Variants in NUP205 observed in about 807,000 individuals in gnomAD.
The protein encoded by NUP205 is nucleoporin 205.
Under a neutral mutation model 253.8 loss-of-function variants are expected in NUP205, and 76 were observed. That is an observed-to-expected ratio of 0.30 (90% CI 0.25 to 0.36). NUP205 has a LOEUF of 0.36. Ranked by LOEUF, NUP205 falls within the 10% of genes least tolerant of loss-of-function variation. The pLI is 1.00. For synonymous variants in NUP205, 832 were observed against 850.1 expected (o/e 0.98, Z 0.37); for missense variants, 2,162 against 2,425.5 (o/e 0.89, Z 2.28).
chr7:135,637,631 A>G (rs1794833461), intron 36 of NUP205, among the ~76,000 whole-genome samples: 1 of 152,294 alleles, frequency 6.6e-6, no homozygotes, highest in South Asian at 2.1e-4. Flanking sequence ...AGTATCTTCC[A>G]AAGAATTAAT....
chr7:135,583,576 A>T (rs576491398), intron 7 of NUP205, among the ~76,000 whole-genome samples: 1 of 152,160 alleles, frequency 6.6e-6, no homozygotes, highest in East Asian at 2.0e-4. Flanking sequence ...CCTGGCCAAC[A>T]TGTTGAAACC....
chr7:135,597,501 C>A (rs191565796), intron 14 of NUP205, 83 bp downstream of exon 14: 4 of 800,544 alleles, frequency 5.0e-6, no homozygotes, highest in Admixed American at 4.3e-5. Context: ...TACCCTTTTA[C>A]GTTTCCATAA....
chr7:135,613,927 T>C, intron 22 of NUP205: 1 of 275,838 alleles, frequency 3.6e-6, no homozygotes, highest in Non-Finnish European at 6.8e-6. Context: ...ATAATAGTTG[T>C]GTAATAATGT....
Position 135,602,960 on chromosome 7 carries a change from A to G in NUP205, c.2668A>G (p.Thr890Ala), listed in dbSNP as rs1563123941. The G allele has an allele frequency of 8.7e-6, 14 of 1,613,158 alleles. No homozygotes were observed. Among genetic ancestry groups the G allele is most frequent in the African/African-American group, 1.3e-5 (1 of 75,014 alleles). Reference sequence around the variant, plus strand: ...GCTTTTGCAGGGAATTAATCCCAGAACTAAGAAGGCAGATAATGTGGTAAA... The same window carrying G: ...GCTTTTGCAGGGAATTAATCCCAGAGCTAAGAAGGCAGATAATGTGGTAAA... Reference protein sequence around the residue: ...EQLLQGINPRTKKADNVVNIA... With the variant: ...EQLLQGINPRAKKADNVVNIA... Residue 890 changes from threonine (T) to alanine (A), a missense_variant, in exon 18 of 43, where the codon ACT becomes GCT. Around this residue, in one of 5 missense-constraint regions of NUP205, gnomAD observed 892 missense variants for 957.1 expected, o/e 0.93. Transcript: ENST00000285968.
chr7:135,602,832 A>G lies in NUP205; in HGVS notation c.2540A>G (p.Gln847Arg), dbSNP rs1793992528. 1 of 1,613,660 alleles carries G rather than the reference A, an allele frequency of 6.2e-7. No individual in the cohort carries two copies. ...PGKKHLEKAV[Q>R]HCLALLNLTL... is the part of the protein sequence containing the mutation. ...AAAAAACACCTGGAGAAAGCAGTAC[A>G]GCATTGCCTTGCACTTCTCAATCTT... is the stretch of plus-strand genomic sequence containing the variant. The change falls in exon 18 of 43, where the codon CAG (glutamine) becomes CGG (arginine). Residue 847 changes from glutamine (Q) to arginine (R), a missense_variant. By Grantham distance (43) the Gln-to-Arg change is conservative (BLOSUM62 1). Transcript: ENST00000285968.
At chr7:135,558,085 G>A in intron 1 of NUP205, 113 bp downstream of exon 1, 1 of 898,268 alleles carries the variant, frequency 1.1e-6, no homozygotes, top group Admixed American at 1.8e-5. Flanking sequence ...TGCGGTGCCT[G>A]CTTTTCCCTA....
intron 14 of NUP205, chr7:135,597,628 T>G (rs577473678): frequency 2.6e-4 from 124 of 472,590 alleles, no homozygotes; most frequent in Admixed American, 5.2e-4. Context: ...AAAAAGATGT[T>G]ACATGGCAAC....
intron 6 of NUP205, 88 bp from the exon 7 acceptor site, chr7:135,578,663 A>G: frequency 1.1e-6 from 1 of 939,362 alleles, no homozygotes; most frequent in Non-Finnish European, 1.6e-6. Flanking sequence ...GAATGCTCAG[A>G]TTTTCTGACT....
chr7:135,572,778 C>T (rs1311011982), intron 2 of NUP205, among the ~76,000 whole-genome samples: 1 of 152,160 alleles, frequency 6.6e-6, no homozygotes, highest in Non-Finnish European at 1.5e-5. Flanking sequence ...TGGTCTTGAA[C>T]TCCTGGCCTC....
At chr7:135,574,852 T>C (rs557111336) in intron 3 of NUP205, among the ~76,000 whole-genome samples, 1 of 152,244 alleles carries the variant, frequency 6.6e-6, no homozygotes, top group Admixed American at 6.5e-5. Context: ...TTGAAGAAAA[T>C]ATGGGCATGT....
chr7:135,571,298 C>G, intron 2 of NUP205, 51 bp downstream of exon 2: 3 of 1,175,138 alleles, frequency 2.6e-6, no homozygotes, highest in Non-Finnish European at 3.4e-6. Context: ...TTTTTAAGAT[C>G]GAGGAAGGAA....
intron 7 of NUP205, among the ~76,000 whole-genome samples, chr7:135,579,338 G>T (rs917317908): frequency 6.6e-6 from 1 of 151,710 alleles, no homozygotes; most frequent in African/African-American, 2.4e-5. Context: ...GGGATTACAG[G>T]CATGCGCCAC....
At chr7:135,586,534 T>G (rs567334141) in intron 8 of NUP205, among the ~76,000 whole-genome samples, 2 of 152,186 alleles carry the variant, frequency 1.3e-5, no homozygotes, top group Non-Finnish European at 2.9e-5. Flanking sequence ...TAAATATTTC[T>G]TTTTTCTAAT....
rs768119314 is a variant in NUP205, at chr7:135,618,457, C to A, written c.3817C>A (p.Leu1273Met). The A allele has an allele frequency of 3.7e-6, 6 of 1,613,952 alleles. No homozygotes were observed. Among genetic ancestry groups the A allele is most frequent in the Non-Finnish European group, 5.1e-6 (6 of 1,180,016 alleles). Residue 1273 changes from leucine to methionine, a missense_variant, in exon 28 of 43, where the codon CTG becomes ATG. By Grantham distance (15) the Leu-to-Met change is conservative (BLOSUM62 2). Coordinates refer to ENST00000285968, the MANE Select transcript of NUP205 (RefSeq NM_015135.3). ...LQYVVGRNKL[L>M]QCLHAKRHAL... ...GTATGTGGTAGGAAGAAATAAATTG[C>A]TGCAGTGTCTTCATGCAAAACGTCA...
intron 42 of NUP205, 47 bp from the exon 43 acceptor site, chr7:135,648,357 T>TAA: frequency 6.8e-7 from 1 of 1,462,702 alleles, no homozygotes; most frequent in Non-Finnish European, 9.1e-7. Context: ...ATAAAAGAAA[T>TAA]ATTTGAGACA....
chr7:135,614,346 A>G (rs903015282), intron 23 of NUP205, 73 bp downstream of exon 23: 2 of 822,968 alleles, frequency 2.4e-6, no homozygotes, highest in Non-Finnish European at 4.1e-6. Flanking sequence ...TTTATACAAT[A>G]TTTGGGGGAA....
In NUP205 at chr7:135,646,617, G is replaced by A. The variant is rs117548697; in HGVS notation, c.5886+386G>A. 5.3e-3 allele frequency among the ~76,000 whole-genome samples: 813 copies of A among 152,182 alleles called. 3 individuals are homozygous for A. The highest frequency in any genetic ancestry group is 7.4e-3 in the Admixed American group (113 of 15,276). ...GTCTCCAATAAATAAATAAATAAAT[G>A]AATGAATGTAAGTAAGTAAGTAAAA... is the stretch of plus-strand genomic sequence containing the variant. On this transcript the variant is annotated intron_variant, in intron 42 of 42. Coordinates refer to ENST00000285968, the MANE Select transcript of NUP205 (RefSeq NM_015135.3).
At chr7:135,627,660 A>G (rs915425987) in intron 33 of NUP205, among the ~76,000 whole-genome samples, 4 of 152,216 alleles carry the variant, frequency 2.6e-5, no homozygotes, top group African/African-American at 4.8e-5. Flanking sequence ...TTAACAGCCT[A>G]TATGGCCCAA....
intron 1 of NUP205, among the ~76,000 whole-genome samples, chr7:135,567,128 G>C (rs113972436): frequency 0.091 from 656 of 7,244 alleles, 94 homozygotes; most frequent in Middle Eastern, 0.5. Context: ...GTCTATGTGT[G>C]TATATATATA....
Sources: gnomAD v4.1 joint callset for allele counts (sites outside exome capture counted in the v4.1 genomes callset) on GRCh38, gnomAD v4.1.1 for gene constraint, gnomAD v4.1.1 regional missense constraint, MANE v1.5 for transcripts, NCBI Gene and HGNC (gene_info 2026-07-23, HGNC 2026-07-21) for gene names.